The following ANO2 variants were observed in gnomAD, a reference collection of about 807,000 sequenced individuals.
ANO2 encodes the protein anoctamin 2, also known as anoctamin-2.
Under a neutral mutation model 124.2 loss-of-function variants are expected in ANO2, and 101 were observed. The ratio of observed to expected loss-of-function variants is 0.81; its 90% CI spans 0.69 to 0.96. ANO2 has a LOEUF of 0.96. ANO2 is among the 40% of genes least tolerant of loss of function. The pLI, the probability that ANO2 is intolerant of heterozygous loss-of-function variation, is 0.00. For missense variants in ANO2, 1,293 were observed against 1,274.5 expected (o/e 1.01, Z -0.22); for synonymous variants, 486 against 482.5 (o/e 1.01, Z -0.09).
At chr12:5,874,102 A>C (rs934475994) in intron 3 of ANO2, among the ~76,000 whole-genome samples, 3 of 152,216 alleles carry the variant, frequency 2.0e-5, no homozygotes, top group African/African-American at 7.2e-5. Flanking sequence ...TTTGCCCTCA[A>C]ACAGCTTTTA....
At chr12:5,634,149 C>A (rs1945878200) in intron 16 of ANO2, among the ~76,000 whole-genome samples, 1 of 152,154 alleles carries the variant, frequency 6.6e-6, no homozygotes, top group Admixed American at 6.5e-5. Context: ...CTGGAAAGAG[C>A]AGAGCTGCCC....
intron 14 of ANO2, among the ~76,000 whole-genome samples, chr12:5,700,353 C>G (rs1220276321): frequency 6.6e-6 from 1 of 152,020 alleles, no homozygotes; most frequent in Non-Finnish European, 1.5e-5. Context: ...GGGTACAAAA[C>G]GAAATGAAGG....
intron 15 of ANO2, among the ~76,000 whole-genome samples, chr12:5,641,264 A>G (rs2136947921): frequency 6.6e-6 from 1 of 152,254 alleles, no homozygotes; most frequent in East Asian, 1.9e-4. Flanking sequence ...TAGGAGAAAT[A>G]CCTAATGTAA....
At chr12:5,653,081 T>TA (rs1469580249) in intron 14 of ANO2, among the ~76,000 whole-genome samples, 2 of 152,136 alleles carry the variant, frequency 1.3e-5, no homozygotes, top group African/African-American at 4.8e-5. Context: ...CTCCCAACCC[T>TA]AAAAAGAGAA....
chr12:5,604,891 T>G (rs778537820), intron 19 of ANO2, among the ~76,000 whole-genome samples: 16 of 149,840 alleles, frequency 1.1e-4, no homozygotes, highest in Non-Finnish European at 2.2e-4. Flanking sequence ...CCTTTGATGT[T>G]ACCCCCCTTG....
chr12:5,910,232 T>C (rs1255592371), intron 3 of ANO2, among the ~76,000 whole-genome samples: 3 of 152,228 alleles, frequency 2.0e-5, no homozygotes, highest in Admixed American at 6.5e-5. Context: ...CAGGCTGGAG[T>C]GCAGTGGCAC....
intron 1 of ANO2, among the ~76,000 whole-genome samples, chr12:5,928,407 C>G (rs1281965652): frequency 3.0e-5 from 3 of 99,764 alleles, no homozygotes; most frequent in Admixed American, 1.1e-4. Flanking sequence ...TTTCCTTCCT[C>G]ACTAGTCTAC....
chr12:5,859,933 G>A (rs893298863), intron 3 of ANO2, among the ~76,000 whole-genome samples: 1 of 152,092 alleles, frequency 6.6e-6, no homozygotes, highest in Non-Finnish European at 1.5e-5. Flanking sequence ...GCTAAGTTAC[G>A]TCTCATCTTG....
intron 6 of ANO2, 93 bp from the exon 7 acceptor site, chr12:5,827,913 G>A (rs925313053): frequency 2.9e-6 from 4 of 1,403,448 alleles, no homozygotes; most frequent in African/African-American, 2.9e-5. Flanking sequence ...GGGGCGGGAG[G>A]CGCCCGGGCT....
chr12:5,574,274 C>T (rs1260223623), intron 23 of ANO2, among the ~76,000 whole-genome samples: 1 of 152,152 alleles, frequency 6.6e-6, no homozygotes, highest in East Asian at 1.9e-4. Context: ...ATTTGCCCTT[C>T]TTGGGTAAAT....
At chr12:5,675,735 A>G (rs777288778) in intron 14 of ANO2, among the ~76,000 whole-genome samples, 2 of 152,174 alleles carry the variant, frequency 1.3e-5, no homozygotes, top group Non-Finnish European at 2.9e-5. Context: ...ATTACTTGCT[A>G]TAGGAATGTT....
In ANO2 at chr12:5,831,055, C is replaced by T. The variant is rs368600712; in HGVS notation, c.786-566G>A. 3.3e-3 allele frequency among the ~76,000 whole-genome samples: 495 copies of T among 152,260 alleles called. 6 individuals are homozygous for T. Among genetic ancestry groups the T allele is most frequent in the African/African-American group, 0.011 (457 of 41,538 alleles). ...TAGAAAAATCTTAATTATGCAAGGG[C>T]TGGGTCTGTTTTTAACTTCATATAC... On this transcript the variant is annotated intron_variant, in intron 5 of 24. Coordinates refer to ENST00000682330, the MANE Select transcript of ANO2 (RefSeq NM_001364791.2).
intron 3 of ANO2, among the ~76,000 whole-genome samples, chr12:5,903,489 C>A (rs1472725516): frequency 2.0e-5 from 3 of 152,292 alleles, no homozygotes; most frequent in African/African-American, 7.2e-5. Flanking sequence ...CATATAATTT[C>A]CCCACGGTTA....
chr12:5,595,185 C>G (rs925678225), intron 20 of ANO2, among the ~76,000 whole-genome samples: 4 of 151,936 alleles, frequency 2.6e-5, no homozygotes, highest in African/African-American at 9.7e-5. Context: ...TCAGACATAC[C>G]GAGTGTTTGA....
chr12:5,583,510 G>A (rs377325474), intron 20 of ANO2, among the ~76,000 whole-genome samples: 37 of 151,396 alleles, frequency 2.4e-4, no homozygotes, highest in African/African-American at 8.2e-4. Flanking sequence ...AAAATTAGCC[G>A]GGCGCAGTGG....
chr12:5,825,573 A>G (rs1953929883), intron 7 of ANO2, among the ~76,000 whole-genome samples: 1 of 152,176 alleles, frequency 6.6e-6, no homozygotes, highest in Non-Finnish European at 1.5e-5. Context: ...CAATTCCATT[A>G]AACTGGAAGT....
At chr12:5,905,584 G>A (rs1045382013) in intron 3 of ANO2, among the ~76,000 whole-genome samples, 45 of 152,148 alleles carry the variant, frequency 3.0e-4, no homozygotes, top group Admixed American at 2.6e-3. Context: ...CACCAGAGAA[G>A]CTTTCAGGAC....
intron 14 of ANO2, among the ~76,000 whole-genome samples, chr12:5,695,267 C>T (rs1307662230): frequency 2.0e-4 from 30 of 151,784 alleles, no homozygotes; most frequent in East Asian, 1.9e-4. Context: ...GAACAACATG[C>T]CAGATCAGGC....
At position 5,805,919 on chromosome 12, in the gene ANO2, G is replaced by A. The variant is rs146264688; in HGVS notation, c.990+133C>T. The A allele has an allele frequency of 1.9e-4, 157 of 827,972 alleles. No homozygotes were observed. The African/African-American group carries it at 2.5e-3, about 13-fold the overall frequency. 51.3% of individuals were successfully genotyped at this position (827,972 alleles called of 1,614,324 possible). ...TTTCCAAATACCTGGGTGGGGGAAAGGGGGGAGCTGGTAAAATTGTTGGAA... is the reference window on the plus strand; with the variant it reads ...TTTCCAAATACCTGGGTGGGGGAAAAGGGGGAGCTGGTAAAATTGTTGGAA... On this transcript the variant is annotated intron_variant, in intron 9 of 24. Coordinates refer to ENST00000682330, the MANE Select transcript of ANO2 (RefSeq NM_001364791.2).
Sources: allele counts gnomAD v4.1 joint callset (sites outside exome capture counted in the v4.1 genomes callset), GRCh38; gene constraint gnomAD v4.1.1; transcripts MANE v1.5; gene names NCBI Gene and HGNC (gene_info 2026-07-23, HGNC 2026-07-21).